The following PRKN variants were observed in gnomAD, a reference collection of about 807,000 sequenced individuals.
PRKN encodes the protein parkin RBR E3 ubiquitin protein ligase, also known as E3 ubiquitin-protein ligase parkin.
Under a neutral mutation model 59.5 loss-of-function variants are expected in PRKN, and 56 were observed. The observed-to-expected ratio is 0.94, with a 90% CI of 0.76 to 1.18. The LOEUF (loss-of-function observed/expected upper bound fraction) is 1.18. Ranked by LOEUF, PRKN falls within the 50% of genes most tolerant of loss-of-function variation. The pLI, the probability that PRKN is intolerant of heterozygous loss-of-function variation, is 0.00. For synonymous variants in PRKN, 250 were observed against 222.1 expected (o/e 1.13, Z -1.12); for missense variants, 657 against 596.4 (o/e 1.10, Z -1.06).
intron 9 of PRKN, among the ~76,000 whole-genome samples, chr6:161,535,612 G>A (rs1199947600): frequency 6.6e-6 from 1 of 152,244 alleles, no homozygotes; most frequent in Non-Finnish European, 1.5e-5. Flanking sequence ...GGCTGGCCAT[G>A]TAGCCTCACA....
intron 2 of PRKN, among the ~76,000 whole-genome samples, chr6:162,382,719 T>C (rs1265860350): frequency 2.0e-5 from 3 of 152,186 alleles, no homozygotes; most frequent in Non-Finnish European, 4.4e-5. Context: ...TGATTGGCTC[T>C]TTCTTTCATG....
chr6:161,386,076 A>G lies in PRKN; in HGVS notation c.1167+718T>C, dbSNP rs1486881181. 1.3e-5 allele frequency among the ~76,000 whole-genome samples: 2 copies of G among 152,230 alleles called. No individual in the cohort carries two copies. The highest frequency in any genetic ancestry group is 1.9e-4 in the East Asian group (1 of 5,200). ...TTCTATGTCTGTTTACTAGGTTCCT[A>G]TCAGTACAATGACTAAAGGATTTAT... is the stretch of plus-strand genomic sequence containing the variant. On this transcript the variant is annotated intron_variant, in intron 10 of 11. Coordinates refer to ENST00000366898, the MANE Select transcript of PRKN (RefSeq NM_004562.3). This position sits in a 1 kb window ranked among gnomAD's most constrained non-coding sequence, Gnocchi z 4.3.
rs1319015546 is a variant in PRKN at position 162,504,276 on chromosome 6, G to T, written c.8-60803C>A. ...TGCTAATACGAGACACGTGTTTTAG[G>T]GCCTGCAAGAGGCAGAAAGCTAGAT... On this transcript the variant is annotated intron_variant, in intron 1 of 11. Coordinates refer to ENST00000366898, the MANE Select transcript of PRKN (RefSeq NM_004562.3). Among the ~76,000 whole-genome samples the T allele has an allele frequency of 2.0e-5, 3 of 152,096 alleles. 1 individual carries two copies.
chr6:161,601,707 C>A lies in PRKN; in HGVS notation c.872-32291G>T, dbSNP rs542677391. On this transcript the variant is annotated intron_variant, in intron 7 of 11. Coordinates refer to ENST00000366898, the MANE Select transcript of PRKN (RefSeq NM_004562.3). ...ACGCCATTCTCCTGCCTCAGCCTCCCGAGTAGCTGGGATTACAGGCGCCCG... is the reference window on the plus strand; with the variant it reads ...ACGCCATTCTCCTGCCTCAGCCTCCAGAGTAGCTGGGATTACAGGCGCCCG... Among the ~76,000 whole-genome samples, 26 of 151,890 alleles carry A rather than the reference C, an allele frequency of 1.7e-4. 1 individual carries two copies. The South Asian group carries it at 5.2e-3, about 30-fold the overall frequency.
chr6:161,730,786 T>C (rs899996342), intron 7 of PRKN, among the ~76,000 whole-genome samples: 5 of 151,986 alleles, frequency 3.3e-5, no homozygotes, highest in Non-Finnish European at 7.4e-5. Flanking sequence ...GTGTGTTGCA[T>C]TCTGAAGTGT....
intron 7 of PRKN, among the ~76,000 whole-genome samples, chr6:161,661,286 C>A (rs1784534958): frequency 1.3e-5 from 2 of 152,180 alleles, no homozygotes; most frequent in African/African-American, 4.8e-5. Flanking sequence ...TCTCTGCACC[C>A]ACCTTGCTCT....
chr6:162,431,413 A>T (rs1789523000), intron 2 of PRKN, among the ~76,000 whole-genome samples: 1 of 152,116 alleles, frequency 6.6e-6, no homozygotes, highest in South Asian at 2.1e-4. Flanking sequence ...AAGTATCTAT[A>T]AAAACACTAT....
intron 1 of PRKN, among the ~76,000 whole-genome samples, chr6:162,612,042 A>C (rs1562434861): frequency 6.6e-6 from 1 of 151,396 alleles, no homozygotes; most frequent in African/African-American, 2.4e-5. Flanking sequence ...AAAAAAAAAA[A>C]ATTAGCTGGG....
chr6:161,464,718 A>C lies in PRKN; in HGVS notation c.1084-77841T>G, dbSNP rs142694513. Among the ~76,000 whole-genome samples the C allele has an allele frequency of 7.9e-5, 12 of 152,366 alleles. No homozygotes were observed. In the East Asian group the frequency reaches 1.9e-3, roughly 24 times the overall value. On this transcript the variant is annotated intron_variant, in intron 9 of 11. Transcript: ENST00000366898. ...CAAATAGAAAAATGAATTACCAAAT[A>C]ATTAAATAATGCCTTGAAGGGCTCC...
chr6:161,897,977 A>AAAAAT, intron 6 of PRKN, among the ~76,000 whole-genome samples: 1 of 139,802 alleles, frequency 7.2e-6, no homozygotes, highest in Non-Finnish European at 1.5e-5. Flanking sequence ...AAAAAAAAAA[A>AAAAAT]AAAAAAAGTC....
rs529792174 is a variant in PRKN, at chr6:162,520,799, T to TA, written c.8-77327dup. Among the ~76,000 whole-genome samples, 301 of 148,268 alleles carry TA rather than the reference T, an allele frequency of 2.0e-3. 1 individual carries two copies. Among genetic ancestry groups the TA allele is most frequent in the African/African-American group, 4.1e-3 (168 of 40,648 alleles). ...AAGAAAATGTCTAAGGCCCTTAGTTTAAAAAAAAAAAGATTAAGAGTGTCA... is the reference window on the plus strand; with the variant it reads ...AAGAAAATGTCTAAGGCCCTTAGTTTAAAAAAAAAAAAGATTAAGAGTGTCA... On this transcript the variant is annotated intron_variant, in intron 1 of 11. Transcript: ENST00000366898.
In PRKN at chr6:162,585,499, G is replaced by A. The variant is rs373405251; in HGVS notation, c.8-142026C>T. On this transcript the variant is annotated intron_variant, in intron 1 of 11. Transcript: ENST00000366898. The stretch of plus-strand genomic sequence containing the variant: ...TTACTCCAATTATCTCAAGGGTAAT[G>A]CAGGGCATTAGTGTTTACAAACATT... Among the ~76,000 whole-genome samples the A allele has an allele frequency of 5.9e-5, 9 of 152,214 alleles. No individual in the cohort carries two copies. The East Asian group carries it at 7.7e-4, about 13-fold the overall frequency.
rs562023310 is a variant in PRKN, at chr6:162,193,386, T to A, written c.534+7745A>T. Among the ~76,000 whole-genome samples, 4 of 152,330 alleles carry A rather than the reference T, an allele frequency of 2.6e-5. No individual in the cohort carries two copies. The South Asian group carries it at 8.3e-4, about 32-fold the overall frequency. Reference sequence around the variant, plus strand: ...TGGGTTTCTCCCTCTTCGCCAAAGCTGAATGTGCATCACTCTGGCTTTTGC... The same window carrying A: ...TGGGTTTCTCCCTCTTCGCCAAAGCAGAATGTGCATCACTCTGGCTTTTGC... On this transcript the variant is annotated intron_variant, in intron 4 of 11. Transcript: ENST00000366898.
rs1011293521 is a variant in PRKN at position 161,592,080 on chromosome 6, A to G, written c.872-22664T>C. On this transcript the variant is annotated intron_variant, in intron 7 of 11. Transcript: ENST00000366898. This position sits in a 1 kb window ranked among gnomAD's most constrained non-coding sequence, Gnocchi z 4.8. ...AATCATCCCTAGATTATGTATATCT[A>G]ATACAAAGTCAATGCTATGTAAATA... Among the ~76,000 whole-genome samples, 1 of 152,212 alleles carries G rather than the reference A, an allele frequency of 6.6e-6. No homozygotes were observed. Among genetic ancestry groups the G allele is most frequent in the Non-Finnish European group, 1.5e-5 (1 of 68,034 alleles).
chr6:161,366,016 T>G (rs1785182140), intron 10 of PRKN, among the ~76,000 whole-genome samples: 1 of 152,218 alleles, frequency 6.6e-6, no homozygotes, highest in African/African-American at 2.4e-5. Flanking sequence ...ACTGGGCCAA[T>G]GTTACTTCTT....
intron 4 of PRKN, among the ~76,000 whole-genome samples, chr6:162,108,175 C>T (rs1780273229): frequency 6.6e-6 from 1 of 152,152 alleles, no homozygotes; most frequent in African/African-American, 2.4e-5. Context: ...TGCCATTATG[C>T]TTAGTGGTGG....
At chr6:162,164,479 T>G (rs1343367860) in intron 4 of PRKN, among the ~76,000 whole-genome samples, 1 of 148,800 alleles carries the variant, frequency 6.7e-6, no homozygotes, top group African/African-American at 2.5e-5. Context: ...CCCAAAGTGC[T>G]AAGATTACAG....
At chr6:161,882,460 T>C (rs539410041) in intron 6 of PRKN, among the ~76,000 whole-genome samples, 16 of 152,244 alleles carry the variant, frequency 1.1e-4, no homozygotes, top group South Asian at 2.1e-4. Context: ...CGGGCCTTCC[T>C]GCAGGAAAGC....
At chr6:161,622,402 C>T (rs1562565207) in intron 7 of PRKN, among the ~76,000 whole-genome samples, 1 of 152,148 alleles carries the variant, frequency 6.6e-6, no homozygotes, top group Non-Finnish European at 1.5e-5. Flanking sequence ...GACCTCCCTG[C>T]CCCTCCCCAG....
Sources: gnomAD v4.1 joint callset for allele counts (sites outside exome capture counted in the v4.1 genomes callset) on GRCh38, gnomAD v4.1.1 for gene constraint, Gnocchi (gnomAD v3.1) non-coding constraint, MANE v1.5 for transcripts, NCBI Gene and HGNC (gene_info 2026-07-23, HGNC 2026-07-21) for gene names.